Variants in ATP9A observed in about 807,000 individuals in gnomAD.
ATP9A encodes ATPase phospholipid transporting 9A.
ATP9A carries 52 observed loss-of-function variants against 144.1 expected under a neutral mutation model. The observed-to-expected ratio is 0.36, with a 90% CI of 0.29 to 0.45. The LOEUF (loss-of-function observed/expected upper bound fraction) is 0.45, where lower values mean the gene tolerates loss of function less well. ATP9A is among the 20% of genes least tolerant of loss of function. The pLI is 1.00. For missense variants in ATP9A, 947 were observed against 1,392.7 expected (o/e 0.68, Z 5.09); for synonymous variants, 582 against 557.4 (o/e 1.04, Z -0.62).
chr20:51,617,631 A>G, intron 21 of ATP9A, 77 bp from the exon 22 acceptor site: 2 of 1,519,206 alleles, frequency 1.3e-6, no homozygotes, highest in South Asian at 2.4e-5. Flanking sequence ...TCTTTACCGC[A>G]CTCTCGTCTT....
At chr20:51,628,497 T>A (rs1429739468) in intron 16 of ATP9A, among the ~76,000 whole-genome samples, 2 of 152,236 alleles carry the variant, frequency 1.3e-5, no homozygotes, top group East Asian at 1.9e-4. Context: ...TCCATCTTGT[T>A]TGCCCTCTCC....
chr20:51,650,804 C>T (rs1163217960), intron 14 of ATP9A, among the ~76,000 whole-genome samples: 1 of 151,868 alleles, frequency 6.6e-6, no homozygotes, highest in Non-Finnish European at 1.5e-5. Flanking sequence ...CTATTCAAGA[C>T]CCAGTGAAAT....
At chr20:51,746,528 GTC>G (rs2077808942) in intron 1 of ATP9A, among the ~76,000 whole-genome samples, 1 of 151,500 alleles carries the variant, frequency 6.6e-6, no homozygotes, top group African/African-American at 2.4e-5. Context: ...GCTAAACGCT[GTC>G]TCTACTACAA....
chr20:51,696,254 G>T, intron 5 of ATP9A, 110 bp from the exon 6 acceptor site: 1 of 834,436 alleles, frequency 1.2e-6, no homozygotes, highest in Non-Finnish European at 2.0e-6. Context: ...TGGGGCAGGG[G>T]GGACTGAAAC....
At position 51,600,391 on chromosome 20, in the gene ATP9A, T is replaced by C. The variant is rs1159658696; in HGVS notation, c.*820A>G. On this transcript the variant is annotated 3_prime_UTR_variant, in exon 28 of 28. Coordinates refer to ENST00000338821, the MANE Select transcript of ATP9A (RefSeq NM_006045.3). ...GGCACGTTTCCTGCTAAAACAACTC[T>C]GCTGAAAATGTCTGAGGTCCTTCTC... 2 of 152,222 alleles carry C rather than the reference T, an allele frequency of 1.3e-5. No individual in the cohort carries two copies. Among genetic ancestry groups the C allele is most frequent in the Non-Finnish European group, 2.9e-5 (2 of 68,034 alleles). The allele number at this position is 152,222 out of a possible 1,614,324, so 9.4% of individuals were successfully genotyped here. A position where few individuals can be genotyped will look rare whatever the true frequency, so the allele number is the denominator to read the frequency against.
chr20:51,711,290 A>G (rs1295258739), intron 4 of ATP9A, among the ~76,000 whole-genome samples: 2 of 152,238 alleles, frequency 1.3e-5, no homozygotes, highest in East Asian at 3.8e-4. Context: ...AAGTATTTTC[A>G]TACCCTTGGG....
intron 4 of ATP9A, 28 bp from the exon 5 acceptor site, chr20:51,697,510 C>G: frequency 6.2e-7 from 1 of 1,607,980 alleles, no homozygotes. Flanking sequence ...CAAGATACAT[C>G]ACCATCTTAA....
intron 2 of ATP9A, among the ~76,000 whole-genome samples, chr20:51,726,495 G>C (rs2077713757): frequency 6.6e-6 from 1 of 152,058 alleles, no homozygotes; most frequent in African/African-American, 2.4e-5. Context: ...ACCAAATTCA[G>C]AAGAGTAGTT....
intron 1 of ATP9A, among the ~76,000 whole-genome samples, chr20:51,750,079 C>T (rs1256055259): frequency 2.6e-5 from 4 of 152,076 alleles, no homozygotes; most frequent in East Asian, 3.9e-4. Flanking sequence ...TGCTTCAACC[C>T]GGGAGGCGGA....
At chr20:51,726,139 CCT>C (rs1372773823) in intron 2 of ATP9A, among the ~76,000 whole-genome samples, 2 of 151,684 alleles carry the variant, frequency 1.3e-5, no homozygotes, top group African/African-American at 4.8e-5. Context: ...ATGGCGAAAC[CCT>C]GTCTCTACTA....
At chr20:51,666,989 GCA>G (rs1324748256) in intron 13 of ATP9A, among the ~76,000 whole-genome samples, 1 of 152,172 alleles carries the variant, frequency 6.6e-6, no homozygotes, top group Non-Finnish European at 1.5e-5. Context: ...AGAGAAAGAT[GCA>G]CACACTCTCA....
intron 14 of ATP9A, among the ~76,000 whole-genome samples, chr20:51,646,973 A>C (rs1462366530): frequency 6.6e-6 from 1 of 151,996 alleles, no homozygotes; most frequent in Non-Finnish European, 1.5e-5. Context: ...AGTGCAAAAA[A>C]TTCACTGGGC....
intron 2 of ATP9A, among the ~76,000 whole-genome samples, chr20:51,727,802 G>A (rs181710185): frequency 4.6e-5 from 7 of 151,528 alleles, no homozygotes; most frequent in Non-Finnish European, 8.8e-5. Context: ...ATGGGAGCAC[G>A]TGCCTGTAAT....
chr20:51,667,464 A>G (rs1055701379), intron 13 of ATP9A, among the ~76,000 whole-genome samples: 3 of 152,182 alleles, frequency 2.0e-5, no homozygotes, highest in South Asian at 2.1e-4. Flanking sequence ...GCCCCCCAAG[A>G]AGGAGCCTGG....
chr20:51,713,210 C>A, intron 3 of ATP9A, 136 bp from the exon 4 acceptor site: 1 of 729,834 alleles, frequency 1.4e-6, no homozygotes, highest in South Asian at 1.6e-5. Flanking sequence ...GTGAGTTATT[C>A]CAAATGCACA....
At chr20:51,648,992 T>C (rs1030689357) in intron 14 of ATP9A, among the ~76,000 whole-genome samples, 6 of 152,032 alleles carry the variant, frequency 3.9e-5, no homozygotes, top group African/African-American at 2.4e-5. Context: ...ACTCAGAAGG[T>C]AGGCTGCCAG....
chr20:51,715,587 G>A (rs542842826), intron 3 of ATP9A, among the ~76,000 whole-genome samples: 1 of 152,224 alleles, frequency 6.6e-6, no homozygotes, highest in African/African-American at 2.4e-5. Flanking sequence ...TAACCTCCCT[G>A]CTGCAAATAA....
At chr20:51,749,742 G>C (rs2077823662) in intron 1 of ATP9A, among the ~76,000 whole-genome samples, 1 of 152,134 alleles carries the variant, frequency 6.6e-6, no homozygotes, top group South Asian at 2.1e-4. Context: ...GAAGGGTACA[G>C]GGTAGCTGAC....
chr20:51,694,447 A>G (rs562121594), intron 6 of ATP9A, among the ~76,000 whole-genome samples: 180 of 152,306 alleles, frequency 1.2e-3, no homozygotes, highest in Middle Eastern at 3.4e-3. Context: ...GTTGACCAGC[A>G]TTCCGAGCCG....
Sources: allele counts gnomAD v4.1 joint callset (sites outside exome capture counted in the v4.1 genomes callset), GRCh38; gene constraint gnomAD v4.1.1; transcripts MANE v1.5; gene names NCBI Gene and HGNC (gene_info 2026-07-23, HGNC 2026-07-21).